Variants in EYS observed in about 807,000 individuals in gnomAD.
EYS encodes protein eyes shut homolog.
A neutral mutation model predicts 282.1 loss-of-function variants in EYS; 250 were observed. The observed-to-expected ratio is 0.89, with a 90% CI of 0.80 to 0.98. EYS has a LOEUF of 0.98. Among genes scored for constraint, EYS ranks in the 50% least tolerant of loss-of-function variants. EYS has a pLI of 0.00. For synonymous variants in EYS, 1,355 were observed against 1,282.9 expected (o/e 1.06, Z -1.20); for missense variants, 4,016 against 3,709.0 (o/e 1.08, Z -2.15).
rs115603380 is a variant in EYS at position 64,676,844 on chromosome 6, G to C, written c.3444-50599C>G. ...CATAGCACGAATTCCTTTCATGAGG[G>C]CTCTGCTCTCAAGACCTAATCATCT... On this transcript the variant is annotated intron_variant, in intron 22 of 42. Transcript: ENST00000503581. 5.9e-5 allele frequency among the ~76,000 whole-genome samples: 9 copies of C among 152,114 alleles called. No homozygotes were observed. In the East Asian group the frequency reaches 7.8e-4, roughly 13 times the overall value.
At chr6:64,146,864 AC>A (rs373675737) in intron 31 of EYS, among the ~76,000 whole-genome samples, 38 of 152,286 alleles carry the variant, frequency 2.5e-4, no homozygotes, top group African/African-American at 8.9e-4. Flanking sequence ...AAGAGATGCA[AC>A]ATGGAAAATT....
chr6:64,128,143 G>A (rs1033869837), intron 31 of EYS, among the ~76,000 whole-genome samples: 4 of 152,116 alleles, frequency 2.6e-5, no homozygotes, highest in African/African-American at 7.2e-5. Flanking sequence ...AACTTCTGAT[G>A]TGTACAGAGC....
intron 2 of EYS, among the ~76,000 whole-genome samples, chr6:65,589,369 C>T (rs1482985072): frequency 2.0e-5 from 3 of 152,032 alleles, no homozygotes; most frequent in Non-Finnish European, 2.9e-5. Flanking sequence ...CGTCAGTCTG[C>T]AATTATCTTT....
At position 64,591,573 on chromosome 6, in the gene EYS, G is replaced by T; in HGVS notation, c.4294C>A (p.Pro1432Thr). 1 of 1,551,254 alleles carries T rather than the reference G, an allele frequency of 6.4e-7. No individual in the cohort carries two copies. The highest frequency in any genetic ancestry group is 8.7e-7 in the Non-Finnish European group (1 of 1,146,746). ...TPTTSVIRSI[P>T]GADIELNRQS... ...CTGTTTAGCTCAATATCAGCCCCTG[G>T]AATGCTTCTAATTACTGAAGTCGTT... Residue 1432 changes from proline to threonine, a missense_variant, in exon 26 of 43, where the codon CCA (proline) becomes ACA (threonine). By Grantham distance (38) the Pro-to-Thr change is conservative. Coordinates refer to ENST00000503581, the MANE Select transcript of EYS (RefSeq NM_001142800.2).
At chr6:65,150,404 C>G (rs1384473670) in intron 12 of EYS, among the ~76,000 whole-genome samples, 1 of 151,696 alleles carries the variant, frequency 6.6e-6, no homozygotes, top group East Asian at 2.0e-4. Context: ...TATTTTCTAC[C>G]AAGATATCTA....
At chr6:65,169,733 A>T (rs932928282) in intron 12 of EYS, among the ~76,000 whole-genome samples, 1 of 151,448 alleles carries the variant, frequency 6.6e-6, no homozygotes, top group Non-Finnish European at 1.5e-5. Context: ...AACTTATGCT[A>T]AATAAATTAT....
intron 36 of EYS, among the ~76,000 whole-genome samples, chr6:63,807,754 T>C (rs1681439930): frequency 6.6e-6 from 1 of 152,182 alleles, no homozygotes; most frequent in African/African-American, 2.4e-5. Flanking sequence ...TTCTTATACT[T>C]ATTTTTTAAT....
intron 14 of EYS, among the ~76,000 whole-genome samples, chr6:64,983,431 T>C (rs902711201): frequency 1.2e-4 from 18 of 151,212 alleles, no homozygotes; most frequent in Non-Finnish European, 1.0e-4. Context: ...AGATAATAAA[T>C]ATATATAGCT....
chr6:65,034,020 G>C lies in EYS; in HGVS notation c.2137+23594C>G, dbSNP rs141446250. On this transcript the variant is annotated intron_variant, in intron 13 of 42. Coordinates refer to ENST00000503581, the MANE Select transcript of EYS (RefSeq NM_001142800.2). ...TTTGGGTTCCCTGCCCTAGATGCAG[G>C]ATATGGAGGCAAAGGAGATTATTTT... Among the ~76,000 whole-genome samples the C allele has an allele frequency of 2.1e-3, 317 of 152,260 alleles. 5 individuals are homozygous for C. Among genetic ancestry groups the C allele is most frequent in the African/African-American group, 7.3e-3 (305 of 41,566 alleles).
chr6:63,782,757 C>A (rs1045529480), intron 39 of EYS, among the ~76,000 whole-genome samples: 3 of 152,088 alleles, frequency 2.0e-5, no homozygotes, highest in African/African-American at 7.2e-5. Flanking sequence ...TCCTTCAGTT[C>A]TGCTCTGATC....
intron 5 of EYS, among the ~76,000 whole-genome samples, chr6:65,408,005 T>C (rs897323116): frequency 6.6e-6 from 1 of 152,134 alleles, no homozygotes; most frequent in South Asian, 2.1e-4. Context: ...TGAATAGGTG[T>C]TAGATTTTGT....
At chr6:63,792,829 T>C (rs898624753) in intron 37 of EYS, among the ~76,000 whole-genome samples, 1 of 152,188 alleles carries the variant, frequency 6.6e-6, no homozygotes, top group African/African-American at 2.4e-5. Context: ...TAATGCTCTG[T>C]GTCACTGTCT....
chr6:63,953,503 C>T (rs1363825005), intron 35 of EYS, among the ~76,000 whole-genome samples: 1 of 152,120 alleles, frequency 6.6e-6, no homozygotes, highest in African/African-American at 2.4e-5. Flanking sequence ...AACAAATGTG[C>T]TCTCCCTGCT....
intron 8 of EYS, among the ~76,000 whole-genome samples, chr6:65,380,243 A>G (rs560860508): frequency 7.9e-5 from 12 of 152,110 alleles, no homozygotes; most frequent in East Asian, 1.9e-4. Flanking sequence ...ACAGTAACCA[A>G]AACAGCATGG....
At chr6:64,774,826 T>A (rs1773630795) in intron 22 of EYS, among the ~76,000 whole-genome samples, 1 of 151,952 alleles carries the variant, frequency 6.6e-6, no homozygotes, top group African/African-American at 2.4e-5. Flanking sequence ...CCTAAATTTA[T>A]GACCCCTTAT....
At chr6:63,747,835 T>A (rs746492733) in intron 41 of EYS, among the ~76,000 whole-genome samples, 3 of 152,212 alleles carry the variant, frequency 2.0e-5, no homozygotes, top group Non-Finnish European at 2.9e-5. Flanking sequence ...TTTGAGCCTA[T>A]GTGTGTCTTT....
intron 5 of EYS, among the ~76,000 whole-genome samples, chr6:65,453,501 C>T (rs1764485551): frequency 6.6e-6 from 1 of 152,014 alleles, no homozygotes; most frequent in Non-Finnish European, 1.5e-5. Context: ...TCTGTCACTT[C>T]TGTGCATTTA....
chr6:64,676,314 A>G (rs1296560382), intron 22 of EYS, among the ~76,000 whole-genome samples: 1 of 135,606 alleles, frequency 7.4e-6, no homozygotes, highest in African/African-American at 2.5e-5. Context: ...TATCCAATAT[A>G]TCTATATATA....
intron 26 of EYS, among the ~76,000 whole-genome samples, chr6:64,453,524 T>C (rs1032172471): frequency 2.0e-5 from 3 of 152,214 alleles, no homozygotes; most frequent in African/African-American, 7.2e-5. Context: ...CCCAAAGGAT[T>C]ATAAATCATG....
Sources: allele counts gnomAD v4.1 joint callset (sites outside exome capture counted in the v4.1 genomes callset), GRCh38; gene constraint gnomAD v4.1.1; transcripts MANE v1.5; gene names NCBI Gene and HGNC (gene_info 2026-07-23, HGNC 2026-07-21).